DYNC1H1: variants seen among roughly 807,000 people sequenced by gnomAD.
DYNC1H1 encodes dynein cytoplasmic 1 heavy chain 1, also known as cytoplasmic dynein 1 heavy chain 1.
A neutral mutation model predicts 527.1 loss-of-function variants in DYNC1H1; 51 were observed. The ratio of observed to expected loss-of-function variants is 0.10; its 90% CI spans 0.08 to 0.12. DYNC1H1 has a LOEUF of 0.12. Among genes scored for constraint, DYNC1H1 ranks in the 10% least tolerant of loss-of-function variants. DYNC1H1 has a pLI of 1.00. For missense variants in DYNC1H1, 2,771 were observed against 5,971.8 expected (o/e 0.46, Z 17.66); for synonymous variants, 2,189 against 2,278.8 (o/e 0.96, Z 1.12).
At chr14:101,981,536 C>G (rs2047864147) in intron 5 of DYNC1H1, among the ~76,000 whole-genome samples, 1 of 152,226 alleles carries the variant, frequency 6.6e-6, no homozygotes, top group South Asian at 2.1e-4. Context: ...CATTTCTGTT[C>G]AACTCTGTGC....
In DYNC1H1 at chr14:102,016,920, C is replaced by T; in HGVS notation, c.7769C>T (p.Pro2590Leu). 1 of 1,614,234 alleles carries T rather than the reference C, an allele frequency of 6.2e-7. No individual in the cohort carries two copies. The highest frequency in any genetic ancestry group is 8.5e-7 in the Non-Finnish European group (1 of 1,180,046). The change falls in exon 38 of 78, where the codon CCC becomes CTC. Residue 2590 changes from proline (P) to leucine (L), a missense_variant. Pro to Leu is a moderately conservative substitution (Grantham distance 98, BLOSUM62 -3). Transcript: ENST00000360184. This position sits in a 1 kb window ranked among gnomAD's most constrained non-coding sequence, Gnocchi z 7.3. ...LLYTWLAEHK[P>L]LVLCGPPGSG... ...TACACTTGGCTGGCCGAACACAAGC[C>T]CCTGGTCTTGTGTGGCCCTCCTGGG... is the stretch of plus-strand genomic sequence containing the variant.
chr14:102,034,400 C>T lies in DYNC1H1; in HGVS notation c.10702C>T (p.Pro3568Ser). ...TCTTCGCTGGCAGGCCAGCTCCTTG[C>T]CTGCTGATGACCTTTGCACAGAAAA... The part of the protein sequence containing the change: ...ERLRWQASSL[P>S]ADDLCTENAI... The change falls in exon 56 of 78, where the codon CCT becomes TCT. Residue 3568 changes from proline (P) to serine (S), a missense_variant. This residue lies in a region of DYNC1H1 where 283 missense variants were observed against 737.6 expected (regional missense o/e 0.38). Coordinates refer to ENST00000360184, the MANE Select transcript of DYNC1H1 (RefSeq NM_001376.5). 6.2e-7 allele frequency: 1 copy of T among 1,613,818 alleles called. No individual in the cohort carries two copies. Among genetic ancestry groups the T allele is most frequent in the Non-Finnish European group, 8.5e-7 (1 of 1,180,046 alleles).
chr14:102,004,471 T>C, intron 23 of DYNC1H1, 47 bp from the exon 24 acceptor site: 1 of 1,565,606 alleles, frequency 6.4e-7, no homozygotes, highest in Non-Finnish European at 8.7e-7. Flanking sequence ...ATTCACCTTA[T>C]ATGTGTATAT....
rs200960096 is a variant in DYNC1H1 at position 101,975,812 on chromosome 14, A to T, written c.344+13A>T. 3 of 1,560,086 alleles carry T rather than the reference A, an allele frequency of 1.9e-6. No individual in the cohort carries two copies. The highest frequency in any genetic ancestry group is 2.7e-6 in the Non-Finnish European group (3 of 1,131,306). On this transcript the variant is annotated intron_variant, in intron 2 of 77. Coordinates refer to ENST00000360184, the MANE Select transcript of DYNC1H1 (RefSeq NM_001376.5). ...TTAAATCCAATAGGTGAGTAGTACA[A>T]ATATTACCATTATCTCAGGTTATAA...
chr14:101,994,537 TGA>T (rs1454401630), intron 12 of DYNC1H1, 134 bp from the exon 13 acceptor site: 6 of 1,353,806 alleles, frequency 4.4e-6, no homozygotes, highest in Non-Finnish European at 6.1e-6. Flanking sequence ...ATGAAAATTC[TGA>T]GAGTCTGAAG....
rs2141289189 is a variant in DYNC1H1, at chr14:102,005,360, TG to T, written c.5433+126del. ...ATCAAGGAGAACAGTGGATGGTGTA[TG>T]GATATCCTCTGAGGGTGGGCATTTG... On this transcript the variant is annotated intron_variant, in intron 26 of 77. Transcript: ENST00000360184. This position sits in a 1 kb window ranked among gnomAD's most constrained non-coding sequence, Gnocchi z 4.0. 7.6e-7 allele frequency: 1 copy of T among 1,318,338 alleles called. No homozygotes were observed. Among genetic ancestry groups the T allele is most frequent in the East Asian group, 2.3e-5 (1 of 43,496 alleles). The allele number at this position is 1,318,338 out of a possible 1,614,324, so 81.7% of individuals were successfully genotyped here.
chr14:102,020,200 G>T lies in DYNC1H1; in HGVS notation c.8507+144G>T. 8.6e-7 allele frequency: 1 copy of T among 1,158,214 alleles called. No individual in the cohort carries two copies. Among genetic ancestry groups the T allele is most frequent in the Non-Finnish European group, 1.2e-6 (1 of 803,634 alleles). The allele number at this position is 1,158,214 out of a possible 1,614,324, so 71.7% of individuals were successfully genotyped here. A position where few individuals can be genotyped will look rare whatever the true frequency, so the allele number is the denominator to read the frequency against. Reference sequence around the variant, plus strand: ...GGTGGAAGGAGCAGAGTCAGCCAGGGCAGCCTCCCGTCTGGACACTGGTCA... The same window carrying T: ...GGTGGAAGGAGCAGAGTCAGCCAGGTCAGCCTCCCGTCTGGACACTGGTCA... On this transcript the variant is annotated intron_variant, in intron 42 of 77. Coordinates refer to ENST00000360184, the MANE Select transcript of DYNC1H1 (RefSeq NM_001376.5). This position sits in a 1 kb window ranked among gnomAD's most constrained non-coding sequence, Gnocchi z 4.3.
Position 102,038,205 on chromosome 14 carries a change from C to G in DYNC1H1, c.10909-255C>G, listed in dbSNP as rs2048600078. On this transcript the variant is annotated intron_variant, in intron 57 of 77. Coordinates refer to ENST00000360184, the MANE Select transcript of DYNC1H1 (RefSeq NM_001376.5). This position sits in a 1 kb window ranked among gnomAD's most constrained non-coding sequence, Gnocchi z 7.2. The stretch of plus-strand genomic sequence containing the variant: ...TGTTGGCCAGTCTGGTCTCGAACTC[C>G]TGACCTCAAGTGATCTGCCTGCCTC... The G allele has an allele frequency of 1.9e-6, 1 of 514,690 alleles. No homozygotes were observed. 31.9% of individuals were successfully genotyped at this position (514,690 alleles called of 1,614,324 possible).
At chr14:101,996,233 G>A (rs537594793) in intron 15 of DYNC1H1, among the ~76,000 whole-genome samples, 78 of 148,686 alleles carry the variant, frequency 5.2e-4, no homozygotes, top group African/African-American at 1.6e-3. Context: ...AGGTTCAAGC[G>A]ATTCTCCTGC....
At position 101,994,298 on chromosome 14, in the gene DYNC1H1, G is replaced by T. The variant is rs1035544174; in HGVS notation, c.3130G>T (p.Val1044Leu). Residue 1044 changes from valine to leucine, a missense_variant, in exon 12 of 78, where the codon GTA becomes TTA. Val to Leu is a conservative substitution (Grantham distance 32, BLOSUM62 1). This residue lies in a region of DYNC1H1 where 179 missense variants were observed against 349.4 expected (regional missense o/e 0.51). Transcript: ENST00000360184. ...GTCGTATTCTGCTGTCATGGGCATT[G>T]TATCTGAAGTTGAACAGTATGTCAA... Reference protein sequence around the residue: ...EESYSAVMGIVSEVEQYVKVW... With the variant: ...EESYSAVMGILSEVEQYVKVW... The T allele has an allele frequency of 1.2e-6, 2 of 1,614,044 alleles. No homozygotes were observed. The highest frequency in any genetic ancestry group is 2.7e-5 in the African/African-American group (2 of 74,910).
intron 2 of DYNC1H1, among the ~76,000 whole-genome samples, chr14:101,976,319 G>C (rs1264231006): frequency 2.6e-5 from 4 of 151,308 alleles, no homozygotes; most frequent in Non-Finnish European, 4.4e-5. Context: ...GAGGTGGGCA[G>C]ATCACGTGAA....
In DYNC1H1 at chr14:102,006,194, C is replaced by T. The variant is rs201978987; in HGVS notation, c.5716+24C>T. The T allele has an allele frequency of 4.0e-5, 65 of 1,611,132 alleles. No individual in the cohort carries two copies. In the Admixed American group the frequency reaches 8.0e-4, roughly 20 times the overall value. ...TGGTAAGTTCTTCCACAGATCTGGA[C>T]AGATGGAATCATATATTAAAATGTT... On this transcript the variant is annotated intron_variant, in intron 27 of 77. Coordinates refer to ENST00000360184, the MANE Select transcript of DYNC1H1 (RefSeq NM_001376.5).
Position 102,034,419 on chromosome 14 carries a change from C to T in DYNC1H1, c.10721C>T (p.Thr3574Ile). 2 of 1,613,422 alleles carry T rather than the reference C, an allele frequency of 1.2e-6. No individual in the cohort carries two copies. Among genetic ancestry groups the T allele is most frequent in the Middle Eastern group, 1.8e-4 (1 of 5,422 alleles). ...TCCTTGCCTGCTGATGACCTTTGCA[C>T]AGAAAATGCCATCATGCTGAAACGA... ...ASSLPADDLC[T>I]ENAIMLKRFN... The change falls in exon 56 of 78, where the codon ACA becomes ATA. Residue 3574 changes from threonine (T) to isoleucine (I), a missense_variant. Transcript: ENST00000360184.
In DYNC1H1 at chr14:102,027,128, G is replaced by A. The variant is rs904995076; in HGVS notation, c.8772-46G>A. 1.9e-6 allele frequency: 3 copies of A among 1,576,570 alleles called. No homozygotes were observed. The Admixed American group carries it at 5.0e-5, about 26-fold the overall frequency. ...ACTAGATATGAGTCAAAAGGGGAAT[G>A]AGGCATTATAAGCCTTAACATTGAT... On this transcript the variant is annotated intron_variant, in intron 44 of 77. Transcript: ENST00000360184. This position sits in a 1 kb window ranked among gnomAD's most constrained non-coding sequence, Gnocchi z 7.7.
intron 51 of DYNC1H1, 82 bp from the exon 52 acceptor site, chr14:102,032,190 T>C: frequency 6.4e-7 from 1 of 1,555,340 alleles, no homozygotes; most frequent in South Asian, 1.1e-5. Flanking sequence ...TTGGAGCTCC[T>C]GGCTGTTTTG....
chr14:102,045,178 C>T (rs762755558), intron 72 of DYNC1H1: 2 of 220,432 alleles, frequency 9.1e-6, no homozygotes, highest in African/African-American at 4.6e-5. Flanking sequence ...TGGCAGGCAC[C>T]TGTAATCCCA....
chr14:102,026,909 C>A lies in DYNC1H1; in HGVS notation c.8771+202C>A, dbSNP rs1376124031. 8 of 828,766 alleles carry A rather than the reference C, an allele frequency of 9.7e-6. No homozygotes were observed. In the East Asian group the frequency reaches 1.9e-4, roughly 19 times the overall value. 51.3% of individuals were successfully genotyped at this position (828,766 alleles called of 1,614,324 possible). A position where few individuals can be genotyped will look rare whatever the true frequency, so the allele number is the denominator to read the frequency against. On this transcript the variant is annotated intron_variant, in intron 44 of 77. Coordinates refer to ENST00000360184, the MANE Select transcript of DYNC1H1 (RefSeq NM_001376.5). ...TAAGCAGAACTTCATTCTTCCTCCCCCAGCACTGCATACCTGCCATAATTA... is the reference window on the plus strand; with the variant it reads ...TAAGCAGAACTTCATTCTTCCTCCCACAGCACTGCATACCTGCCATAATTA...
chr14:102,005,855 A>T lies in DYNC1H1; in HGVS notation c.5434-33A>T. The T allele has an allele frequency of 6.2e-7, 1 of 1,613,806 alleles. No individual in the cohort carries two copies. Among genetic ancestry groups the T allele is most frequent in the Admixed American group, 1.7e-5 (1 of 60,032 alleles). On this transcript the variant is annotated intron_variant, in intron 26 of 77. Transcript: ENST00000360184. This position sits in a 1 kb window ranked among gnomAD's most constrained non-coding sequence, Gnocchi z 4.0. Reference sequence around the variant, plus strand: ...AGAATGCACTGTATTGCTTTAGTGTAGATGAACTTTTAAAGTGACTCTCTT... The same window carrying T: ...AGAATGCACTGTATTGCTTTAGTGTTGATGAACTTTTAAAGTGACTCTCTT...
At chr14:102,050,339 A>T in intron 77 of DYNC1H1, 96 bp from the exon 78 acceptor site, 1 of 1,612,084 alleles carries the variant, frequency 6.2e-7, no homozygotes, top group Non-Finnish European at 8.5e-7. Flanking sequence ...CACCTGTCCA[A>T]ACCTCTCCTT....
Sources: allele counts gnomAD v4.1 joint callset (sites outside exome capture counted in the v4.1 genomes callset), GRCh38; gene constraint gnomAD v4.1.1; regional missense constraint gnomAD v4.1.1; non-coding constraint Gnocchi (gnomAD v3.1); transcripts MANE v1.5; gene names NCBI Gene and HGNC (gene_info 2026-07-23, HGNC 2026-07-21).